RTN1: variants seen among roughly 807,000 people sequenced by gnomAD.
The protein encoded by RTN1 is reticulon-1.
RTN1 carries 25 observed loss-of-function variants against 65.5 expected under a neutral mutation model. That is an observed-to-expected ratio of 0.38 (90% confidence interval 0.28 to 0.53). The LOEUF (loss-of-function observed/expected upper bound fraction) is 0.53, where lower values mean the gene tolerates loss of function less well. RTN1 is among the 20% of genes least tolerant of loss of function. RTN1 has a pLI of 0.79. For synonymous variants in RTN1, 471 were observed against 447.6 expected (o/e 1.05, Z -0.66); for missense variants, 983 against 1,025.4 (o/e 0.96, Z 0.57).
chr14:59,641,481 T>C (rs1882779542), intron 3 of RTN1, among the ~76,000 whole-genome samples: 1 of 152,078 alleles, frequency 6.6e-6, no homozygotes, highest in Admixed American at 6.5e-5. Context: ...GCAATTCTCC[T>C]TCCTCAGCCT....
intron 1 of RTN1, among the ~76,000 whole-genome samples, chr14:59,785,410 A>T (rs773194399): frequency 1.1e-4 from 16 of 152,250 alleles, no homozygotes; most frequent in Non-Finnish European, 1.9e-4. Context: ...AAAACTCATA[A>T]GAAAAATTAC....
rs141990797 is a variant in RTN1, at chr14:59,695,661, G to A, written c.1765+31258C>T. Among the ~76,000 whole-genome samples, 307 of 152,166 alleles carry A rather than the reference G, an allele frequency of 2.0e-3. 3 individuals carry two copies. Among genetic ancestry groups the A allele is most frequent in the Admixed American group, 0.014 (220 of 15,288 alleles). Reference sequence around the variant, plus strand: ...TCTGGGATTTATTTGTTACAAACTAGAAAAAGCTGAAGAATTCCCTGACTT... The same window carrying A: ...TCTGGGATTTATTTGTTACAAACTAAAAAAAGCTGAAGAATTCCCTGACTT... On this transcript the variant is annotated intron_variant, in intron 3 of 8. Coordinates refer to ENST00000267484, the MANE Select transcript of RTN1 (RefSeq NM_021136.3).
At chr14:59,729,378 G>C (rs1035711161) in intron 2 of RTN1, among the ~76,000 whole-genome samples, 3 of 126,156 alleles carry the variant, frequency 2.4e-5, no homozygotes, top group Non-Finnish European at 5.1e-5. Flanking sequence ...TGATCTATGG[G>C]TTCCCCCCCT....
At chr14:59,860,767 C>T (rs556171597) in intron 1 of RTN1, among the ~76,000 whole-genome samples, 1 of 152,254 alleles carries the variant, frequency 6.6e-6, no homozygotes, top group Admixed American at 6.5e-5. Context: ...AACCCACCTC[C>T]TGCATCAGTG....
rs569067150 is a variant in RTN1, at chr14:59,756,936, G to C, written c.242-10455C>G. On this transcript the variant is annotated intron_variant, in intron 1 of 8. Coordinates refer to ENST00000267484, the MANE Select transcript of RTN1 (RefSeq NM_021136.3). ...CCTCCTGGGTTCAAGCGATTCTCCT[G>C]CCTCAGTCTCCCAGGTACCTGGGAC... is the stretch of plus-strand genomic sequence containing the variant. Among the ~76,000 whole-genome samples, 29 of 150,540 alleles carry C rather than the reference G, an allele frequency of 1.9e-4. No homozygotes were observed. The South Asian group carries it at 5.7e-3, about 29-fold the overall frequency.
chr14:59,607,530 C>T, intron 3 of RTN1, 38 bp from the exon 4 acceptor site: 1 of 1,542,560 alleles, frequency 6.5e-7, no homozygotes, highest in South Asian at 1.2e-5. Context: ...TGAGCTCCCG[C>T]AGTGCCGCCA....
chr14:59,807,409 G>A lies in RTN1; in HGVS notation c.242-60928C>T, dbSNP rs139708714. Among the ~76,000 whole-genome samples the A allele has an allele frequency of 3.3e-3, 510 of 152,276 alleles. 5 individuals carry two copies. Among genetic ancestry groups the A allele is most frequent in the African/African-American group, 0.012 (480 of 41,554 alleles). ...AGAGGAAAGCTCTTTAGGGATGGGT[G>A]TAATCTACAAAGAATCCATAATGCC... On this transcript the variant is annotated intron_variant, in intron 1 of 8. Coordinates refer to ENST00000267484, the MANE Select transcript of RTN1 (RefSeq NM_021136.3).
Position 59,746,084 on chromosome 14 carries a change from G to T in RTN1, c.639C>A (p.Pro213=), listed in dbSNP as rs35699516. Residue 213 remains proline (P), a synonymous_variant, in exon 2 of 9, where the codon CCC becomes CCA. Transcript: ENST00000267484. The part of the protein sequence containing the change: ...EEVKHQEQHH[P]ELEDKDLDFK... ...AGTCCAAGTCTTTATCTTCCAGCTC[G>T]GGGTGATGTTGTTCTTGGTGCTTCA... 6.2e-7 allele frequency: 1 copy of T among 1,613,908 alleles called. No individual in the cohort carries two copies.
At chr14:59,726,684 G>C (rs1884767443) in intron 3 of RTN1, among the ~76,000 whole-genome samples, 2 of 152,168 alleles carry the variant, frequency 1.3e-5, no homozygotes, top group South Asian at 4.1e-4. Flanking sequence ...TATTAGGGAG[G>C]CTGGGTTCAG....
intron 3 of RTN1, among the ~76,000 whole-genome samples, chr14:59,631,945 C>A (rs1290961403): frequency 6.6e-6 from 1 of 152,182 alleles, no homozygotes; most frequent in East Asian, 1.9e-4. Context: ...CAGAGGTGTT[C>A]TTTCCCAGAT....
At chr14:59,659,833 T>C (rs1038019871) in intron 3 of RTN1, among the ~76,000 whole-genome samples, 2 of 152,130 alleles carry the variant, frequency 1.3e-5, no homozygotes, top group Non-Finnish European at 2.9e-5. Flanking sequence ...CTGCATCAAC[T>C]AATGGGCAAA....
chr14:59,863,290 A>G (rs983622811), intron 1 of RTN1, among the ~76,000 whole-genome samples: 2 of 152,020 alleles, frequency 1.3e-5, no homozygotes, highest in Non-Finnish European at 2.9e-5. Context: ...AAACTCCCCC[A>G]AAGAGTCAAG....
intron 3 of RTN1, among the ~76,000 whole-genome samples, chr14:59,717,482 A>T (rs1884561064): frequency 6.6e-6 from 1 of 152,222 alleles, no homozygotes; most frequent in Non-Finnish European, 1.5e-5. Context: ...CAAATTTTCC[A>T]GGCTATGAAC....
At chr14:59,676,201 A>G (rs1375709240) in intron 3 of RTN1, among the ~76,000 whole-genome samples, 1 of 152,240 alleles carries the variant, frequency 6.6e-6, no homozygotes, top group Non-Finnish European at 1.5e-5. Context: ...TGGAATGTAT[A>G]CTTATGACTA....
In RTN1 at chr14:59,845,065, T is replaced by A. The variant is rs569212232; in HGVS notation, c.241+25325A>T. Among the ~76,000 whole-genome samples the A allele has an allele frequency of 2.1e-4, 32 of 152,330 alleles. No homozygotes were observed. The South Asian group carries it at 5.6e-3, about 27-fold the overall frequency. On this transcript the variant is annotated intron_variant, in intron 1 of 8. Transcript: ENST00000267484. ...TAAAATCTATAACCAAAGTAAAATTTAATCACTTTATAAATGAACTTCACA... is the reference window on the plus strand; with the variant it reads ...TAAAATCTATAACCAAAGTAAAATTAAATCACTTTATAAATGAACTTCACA...
intron 1 of RTN1, among the ~76,000 whole-genome samples, chr14:59,768,876 A>G (rs1181717930): frequency 1.3e-5 from 2 of 152,152 alleles, no homozygotes; most frequent in African/African-American, 4.8e-5. Context: ...TATTATTCCC[A>G]TTTTGTAGTT....
intron 3 of RTN1, among the ~76,000 whole-genome samples, chr14:59,719,528 C>T (rs997098957): frequency 1.3e-5 from 2 of 152,240 alleles, no homozygotes; most frequent in African/African-American, 4.8e-5. Context: ...GCTTTGGTAA[C>T]CACTACATTG....
intron 1 of RTN1, among the ~76,000 whole-genome samples, chr14:59,778,031 A>G (rs984904705): frequency 6.6e-6 from 1 of 151,976 alleles, no homozygotes; most frequent in Non-Finnish European, 1.5e-5. Flanking sequence ...CTGTTTTCTA[A>G]TGAGCTTTTG....
In RTN1 at chr14:59,596,669, G is replaced by T; in HGVS notation, c.*76C>A. On this transcript the variant is annotated 3_prime_UTR_variant, in exon 9 of 9. Transcript: ENST00000267484. ...GGGAGGGGGGAAAGACAATCAATTTGCAGTAATGAGTAAGAAGAGAGCTGT... is the reference window on the plus strand; with the variant it reads ...GGGAGGGGGGAAAGACAATCAATTTTCAGTAATGAGTAAGAAGAGAGCTGT... 2 of 1,082,670 alleles carry T rather than the reference G, an allele frequency of 1.8e-6. No homozygotes were observed. Among genetic ancestry groups the T allele is most frequent in the Non-Finnish European group, 2.9e-6 (2 of 696,242 alleles). The allele number at this position is 1,082,670 out of a possible 1,614,324, so 67.1% of individuals were successfully genotyped here.
Sources: gnomAD v4.1 joint callset for allele counts (sites outside exome capture counted in the v4.1 genomes callset) on GRCh38, gnomAD v4.1.1 for gene constraint, MANE v1.5 for transcripts, NCBI Gene and HGNC (gene_info 2026-07-23, HGNC 2026-07-21) for gene names.